Variants in KIAA1755 observed in about 807,000 individuals in gnomAD.
KIAA1755 encodes uncharacterized protein KIAA1755.
A neutral mutation model predicts 91.7 loss-of-function variants in KIAA1755; 68 were observed. The observed-to-expected ratio is 0.74, with a 90% CI of 0.61 to 0.91. The LOEUF (loss-of-function observed/expected upper bound fraction) is 0.91. KIAA1755 is among the 40% of genes least tolerant of loss of function. KIAA1755 has a pLI of 0.00. For missense variants in KIAA1755, 1,535 were observed against 1,494.4 expected (o/e 1.03, Z -0.45); for synonymous variants, 610 against 604.6 (o/e 1.01, Z -0.13).
chr20:38,217,835 G>T (rs763990010), intron 12 of KIAA1755: 1 of 397,688 alleles, frequency 2.5e-6, no homozygotes, highest in South Asian at 3.7e-5. Context: ...GTTTGTCCCC[G>T]CCCCCGCCCC....
In KIAA1755 at chr20:38,212,885, C is replaced by T. The variant is rs2075472120; in HGVS notation, c.*157G>A. 1.2e-5 allele frequency: 7 copies of T among 576,652 alleles called. No homozygotes were observed. Among genetic ancestry groups the T allele is most frequent in the Non-Finnish European group, 2.1e-5 (7 of 339,578 alleles). The allele number at this position is 576,652 out of a possible 1,614,324, so 35.7% of individuals were successfully genotyped here. A position where few individuals can be genotyped will look rare whatever the true frequency, so the allele number is the denominator to read the frequency against. On this transcript the variant is annotated 3_prime_UTR_variant, in exon 14 of 14. Transcript: ENST00000279024. ...TCCAGGAGTTTTCTGGAGCCAGGGG[C>T]AGGTCGACAGTTCTCATCCTCCCAG...
rs376943262 is a variant in KIAA1755 at position 38,223,559 on chromosome 20, G to A, written c.2247C>T (p.Ala749=). ...LQASIEEFEK[A]DPPGGMQEAT... ...TCACCTGCATCCCCCCAGGGGGGTC[G>A]GCCTTCTCGAATTCCTCGATGGAAG... Residue 749 remains alanine, a synonymous_variant, in exon 9 of 14, where the codon GCC becomes GCT. Transcript: ENST00000279024. 212 of 1,597,070 alleles carry A rather than the reference G, an allele frequency of 1.3e-4. No homozygotes were observed. The highest frequency in any genetic ancestry group is 5.0e-4 in the South Asian group (44 of 88,368).
chr20:38,211,223 T>C lies in KIAA1755; in HGVS notation c.*1819A>G, dbSNP rs2075447797. 6.6e-6 allele frequency: 1 copy of C among 152,292 alleles called. No homozygotes were observed. Among genetic ancestry groups the C allele is most frequent in the African/African-American group, 2.4e-5 (1 of 41,446 alleles). The allele number at this position is 152,292 out of a possible 1,614,324, so 9.4% of individuals were successfully genotyped here. On this transcript the variant is annotated 3_prime_UTR_variant, in exon 14 of 14. Transcript: ENST00000279024. ...ATTTTAGGTATCAAGTGTGTGACTC[T>C]TGGCTGAGACAGCTCCTGAGAAGCC...
intron 1 of KIAA1755, among the ~76,000 whole-genome samples, chr20:38,249,644 C>T (rs888154420): frequency 1.1e-4 from 16 of 150,708 alleles, no homozygotes; most frequent in East Asian, 2.0e-4. Context: ...CGGGCACTGC[C>T]GTGGCAGTGA....
chr20:38,248,176 C>G (rs1211628974), intron 1 of KIAA1755, among the ~76,000 whole-genome samples: 1 of 152,138 alleles, frequency 6.6e-6, no homozygotes, highest in Non-Finnish European at 1.5e-5. Context: ...TTTCAGTGAG[C>G]CAAGATGGCG....
chr20:38,233,720 T>A (rs1407222876), intron 4 of KIAA1755: 1 of 152,204 alleles, frequency 6.6e-6, no homozygotes, highest in African/African-American at 2.4e-5. Context: ...TGGCTCCTTG[T>A]GGCCTTGAAG....
At chr20:38,232,281 T>C (rs77543456) in intron 4 of KIAA1755, among the ~76,000 whole-genome samples, 5,247 of 152,256 alleles carry the variant, frequency 0.034, 115 homozygotes, top group African/African-American at 0.058. Context: ...TCCAACCACC[T>C]GGAACATTCT....
chr20:38,258,768 A>T (rs2123369519), intron 1 of KIAA1755, among the ~76,000 whole-genome samples: 1 of 152,280 alleles, frequency 6.6e-6, no homozygotes, highest in African/African-American at 2.4e-5. Context: ...GAGGCCAGGG[A>T]GGTAGGCTGG....
At chr20:38,237,660 G>GA (rs2075981995) in intron 4 of KIAA1755, among the ~76,000 whole-genome samples, 1 of 152,020 alleles carries the variant, frequency 6.6e-6, no homozygotes, top group African/African-American at 2.4e-5. Context: ...AGACATGCTG[G>GA]AAAAGGGGAG....
intron 10 of KIAA1755, 68 bp from the exon 11 acceptor site, chr20:38,219,836 C>T: frequency 6.3e-7 from 1 of 1,580,294 alleles, no homozygotes; most frequent in Non-Finnish European, 8.6e-7. Context: ...TTCTGTCCCG[C>T]ATAGGCCTGC....
intron 1 of KIAA1755, among the ~76,000 whole-genome samples, chr20:38,253,683 G>A (rs1346910452): frequency 6.6e-6 from 1 of 152,244 alleles, no homozygotes; most frequent in Non-Finnish European, 1.5e-5. Flanking sequence ...GTGCGGGGCA[G>A]GGGCCTCGTA....
At chr20:38,229,929 G>GA (rs533209917) in intron 5 of KIAA1755, among the ~76,000 whole-genome samples, 35 of 152,134 alleles carry the variant, frequency 2.3e-4, no homozygotes, top group Admixed American at 6.5e-4. Context: ...TGGACAAGAA[G>GA]AAAAAAAATG....
chr20:38,232,076 C>T (rs977184757), intron 4 of KIAA1755, among the ~76,000 whole-genome samples: 16 of 152,210 alleles, frequency 1.1e-4, no homozygotes, highest in African/African-American at 3.6e-4. Flanking sequence ...GAAAGAGGCT[C>T]GGGCCTTGGG....
chr20:38,231,880 C>T (rs949993258), intron 4 of KIAA1755, among the ~76,000 whole-genome samples: 2 of 152,196 alleles, frequency 1.3e-5, no homozygotes, highest in African/African-American at 4.8e-5. Flanking sequence ...GCGTGCAGCC[C>T]TGTGGCCACC....
In KIAA1755 at chr20:38,227,134, C is replaced by T. The variant is rs903318534; in HGVS notation, c.2052+20G>A. 26 of 1,602,246 alleles carry T rather than the reference C, an allele frequency of 1.6e-5. No homozygotes were observed. In the East Asian group the frequency reaches 4.5e-4, roughly 28 times the overall value. Reference sequence around the variant, plus strand: ...CCCAACAACTCCCTTCCTCAACCGCCGACCCTGAGTCCCCCTCACCTGGAC... The same window carrying T: ...CCCAACAACTCCCTTCCTCAACCGCTGACCCTGAGTCCCCCTCACCTGGAC... On this transcript the variant is annotated intron_variant, in intron 7 of 13. Coordinates refer to ENST00000279024, the MANE Select transcript of KIAA1755 (RefSeq NM_001029864.2).
intron 1 of KIAA1755, among the ~76,000 whole-genome samples, chr20:38,250,487 G>GGT (rs370369766): frequency 0.02 from 2,894 of 142,492 alleles, 50 homozygotes; most frequent in Middle Eastern, 0.046. Context: ...TTATTATTAT[G>GGT]GTGTGTGTGT....
chr20:38,235,504 A>G (rs1284777735), intron 4 of KIAA1755, among the ~76,000 whole-genome samples: 2 of 152,218 alleles, frequency 1.3e-5, no homozygotes, highest in African/African-American at 4.8e-5. Context: ...TGGCTTTGGT[A>G]GGAGCAAGGT....
At chr20:38,228,954 T>G (rs963367961) in intron 5 of KIAA1755, among the ~76,000 whole-genome samples, 1 of 152,230 alleles carries the variant, frequency 6.6e-6, no homozygotes. Context: ...TTTTCCAAAC[T>G]GGCACAATTT....
intron 9 of KIAA1755, chr20:38,222,889 TTGAACGGATCTCAAAG>T: frequency 2.0e-6 from 1 of 500,752 alleles, no homozygotes; most frequent in Non-Finnish European, 3.6e-6. Context: ...CACATGGCAG[TTGAACGGATCTCAAAG>T]TGCAAATCTG....
Sources: allele counts gnomAD v4.1 joint callset (sites outside exome capture counted in the v4.1 genomes callset), GRCh38; gene constraint gnomAD v4.1.1; transcripts MANE v1.5; gene names NCBI Gene and HGNC (gene_info 2026-07-23, HGNC 2026-07-21).